NHSL2: variants seen among roughly 807,000 people sequenced by gnomAD.
The protein encoded by NHSL2 is NHS like 2, also known as NHS-like protein 2.
A neutral mutation model predicts 53.4 loss-of-function variants in NHSL2; 27 were observed. The observed-to-expected ratio is 0.51, with a 90% CI of 0.37 to 0.70. The LOEUF is 0.70. NHSL2 is among the 30% of genes least tolerant of loss of function. The pLI is 0.00. For missense variants in NHSL2, 892 were observed against 980.1 expected (o/e 0.91, Z 1.20); for synonymous variants, 408 against 404.1 (o/e 1.01, Z -0.12).
intron 4 of NHSL2, among the ~76,000 whole-genome samples, chrX:72,135,307 G>C (rs1280982179): frequency 8.9e-6 from 1 of 111,907 alleles, no homozygotes; most frequent in Admixed American, 9.4e-5. Flanking sequence ...TTTAAGAGTG[G>C]GGAACGTGCT....
intron 1 of NHSL2, among the ~76,000 whole-genome samples, chrX:72,014,885 A>G (rs2042129490): frequency 1.8e-5 from 2 of 109,152 alleles, no homozygotes; most frequent in South Asian, 7.9e-4. Flanking sequence ...GCCTTCTCTG[A>G]CTTCACCCCA....
intron 1 of NHSL2, among the ~76,000 whole-genome samples, chrX:71,953,463 AT>A (rs2041829757): frequency 8.9e-6 from 1 of 112,396 alleles, no homozygotes. Flanking sequence ...AGAGTAAGAA[AT>A]TGAAAAAAAA....
intron 1 of NHSL2, chrX:72,131,269 G>A: frequency 1.7e-6 from 2 of 1,201,139 alleles, no homozygotes; most frequent in Non-Finnish European, 1.1e-6. Context: ...CGCGCGTGGG[G>A]GAGGCCGGCA....
chrX:72,093,712 A>AGCTTGCTT (rs747248899), intron 1 of NHSL2, among the ~76,000 whole-genome samples: 1,830 of 71,508 alleles, frequency 0.026, 26 homozygotes, highest in Non-Finnish European at 0.034. Context: ...CCCCTAGTAT[A>AGCTTGCTT]GCTTGCTTGC....
At chrX:72,069,967 C>A (rs1468396248) in intron 1 of NHSL2, among the ~76,000 whole-genome samples, 2 of 112,049 alleles carry the variant, frequency 1.8e-5, no homozygotes, top group East Asian at 5.6e-4. Flanking sequence ...GAGGGGCCAG[C>A]CCCTTCGCCG....
chrX:71,945,512 T>C, intron 1 of NHSL2, among the ~76,000 whole-genome samples: 1 of 111,887 alleles, frequency 8.9e-6, no homozygotes, highest in Non-Finnish European at 1.9e-5. Context: ...CCGTTCATCA[T>C]CCAAGGTTTA....
chrX:71,944,629 C>G (rs1358848575), intron 1 of NHSL2, among the ~76,000 whole-genome samples: 1 of 111,790 alleles, frequency 8.9e-6, no homozygotes, highest in Non-Finnish European at 1.9e-5. Flanking sequence ...GCCTGTGGCT[C>G]TACTTCAAGG....
intron 1 of NHSL2, among the ~76,000 whole-genome samples, chrX:71,930,550 A>C (rs1035260420): frequency 2.7e-5 from 3 of 112,145 alleles, no homozygotes; most frequent in African/African-American, 9.7e-5. Context: ...CCAATTCCCC[A>C]TCTTCCCACC....
At chrX:72,130,526 C>T in intron 1 of NHSL2, 1 of 1,211,125 alleles carries the variant, frequency 8.3e-7, no homozygotes, top group Non-Finnish European at 1.1e-6. Flanking sequence ...TCTTCATCTT[C>T]ACTTTCTTCC....
intron 1 of NHSL2, among the ~76,000 whole-genome samples, chrX:72,052,055 C>G (rs1439262189): frequency 5.3e-5 from 6 of 112,229 alleles, no homozygotes; most frequent in Non-Finnish European, 1.1e-4. Flanking sequence ...GACTCTTTTG[C>G]TTGGAAAGTA....
chrX:72,035,340 G>T (rs1303682015), intron 1 of NHSL2, among the ~76,000 whole-genome samples: 2 of 41,295 alleles, frequency 4.8e-5, no homozygotes, highest in Non-Finnish European at 2.3e-4. Flanking sequence ...TTCTGCTCTC[G>T]TTGGGTGGAG....
chrX:72,048,987 G>GAGGAGAAGAAGAAGAAGA (rs1482632182), intron 1 of NHSL2, among the ~76,000 whole-genome samples: 26 of 35,537 alleles, frequency 7.3e-4, no homozygotes, highest in Admixed American at 1.6e-3. Context: ...GAAGAAGGAG[G>GAGGAGAAGAAGAAGAAGA]AGAAGAAGAA....
intron 1 of NHSL2, among the ~76,000 whole-genome samples, chrX:71,994,508 A>G (rs1039066556): frequency 1.8e-5 from 2 of 111,090 alleles, no homozygotes; most frequent in South Asian, 3.8e-4. Context: ...GTGTTGCCCT[A>G]TGTGACTAGT....
intron 1 of NHSL2, among the ~76,000 whole-genome samples, chrX:72,054,743 C>T (rs1429375358): frequency 1.8e-5 from 2 of 111,553 alleles, no homozygotes; most frequent in African/African-American, 6.5e-5. Context: ...CTTGCCTCCT[C>T]CCAGACCAAA....
At chrX:72,108,564 G>A (rs906571774) in intron 1 of NHSL2, among the ~76,000 whole-genome samples, 3 of 112,910 alleles carry the variant, frequency 2.7e-5, no homozygotes, top group African/African-American at 6.4e-5. Context: ...GCCTGGGGGC[G>A]GGACCAGAAG....
intron 1 of NHSL2, among the ~76,000 whole-genome samples, chrX:71,964,062 T>C (rs1406503820): frequency 2.2e-5 from 2 of 93,003 alleles, no homozygotes; most frequent in Non-Finnish European, 4.2e-5. Flanking sequence ...TATATGTGTA[T>C]ATATATATTA....
intron 1 of NHSL2, among the ~76,000 whole-genome samples, chrX:72,006,004 G>A (rs1296110778): frequency 8.9e-6 from 1 of 111,901 alleles, no homozygotes; most frequent in East Asian, 2.8e-4. Flanking sequence ...GGGAGAAGGT[G>A]TTGGGAAAGT....
At chrX:72,132,299 G>A in intron 2 of NHSL2, 65 bp downstream of exon 2, 1 of 1,013,160 alleles carries the variant, frequency 9.9e-7, no homozygotes, top group Non-Finnish European at 1.3e-6. Context: ...CAGGAGGGAG[G>A]CAAAGAAGAA....
At chrX:71,947,034 G>C (rs1028839517) in intron 1 of NHSL2, among the ~76,000 whole-genome samples, 4 of 112,111 alleles carry the variant, frequency 3.6e-5, no homozygotes, top group African/African-American at 6.5e-5. Context: ...CCACAGGAAG[G>C]CTCATTGAGG....
Sources: gnomAD v4.1 joint callset for allele counts (sites outside exome capture counted in the v4.1 genomes callset) on GRCh38, gnomAD v4.1.1 for gene constraint, MANE v1.5 for transcripts, NCBI Gene and HGNC (gene_info 2026-07-23, HGNC 2026-07-21) for gene names.